Variants in CDH22 observed in about 807,000 individuals in gnomAD.
The protein encoded by CDH22 is cadherin-22.
A neutral mutation model predicts 58.4 loss-of-function variants in CDH22; 30 were observed. The ratio of observed to expected loss-of-function variants is 0.51; its 90% confidence interval spans 0.38 to 0.70. CDH22 has a LOEUF of 0.70. Among genes scored for constraint, CDH22 ranks in the 30% least tolerant of loss-of-function variants. The pLI is 0.00. For synonymous variants in CDH22, 513 were observed against 558.2 expected (o/e 0.92, Z 1.14); for missense variants, 1,014 against 1,233.9 (o/e 0.82, Z 2.67).
chr20:46,211,719 C>A (rs192188856), intron 6 of CDH22, among the ~76,000 whole-genome samples: 93 of 152,122 alleles, frequency 6.1e-4, no homozygotes, highest in African/African-American at 2.1e-3. Context: ...CTCTGGGCCT[C>A]CAATTCTCCA....
intron 10 of CDH22, 104 bp downstream of exon 10, chr20:46,186,484 C>A: frequency 1.2e-6 from 1 of 805,252 alleles, no homozygotes; most frequent in Non-Finnish European, 2.0e-6. Flanking sequence ...ATCTTAGATC[C>A]AACATAGGCC....
chr20:46,236,566 T>TATATATTATATATAAATATAATATATA lies in CDH22; in HGVS notation c.550+4370_550+4396dup, dbSNP rs1473476414. Among the ~76,000 whole-genome samples, 947 of 141,380 alleles carry TATATATTATATATAAATATAATATATA rather than the reference T, an allele frequency of 6.7e-3. 10 individuals carry two copies. The highest frequency in any genetic ancestry group is 0.015 in the African/African-American group (583 of 38,342). The allele number at this position is 141,380 out of a possible 152,430, so 92.8% of individuals were successfully genotyped here. On this transcript the variant is annotated intron_variant, in intron 3 of 11. Transcript: ENST00000537909. ...ATAAATATATAAATATAAAAATAAA[T>TATATATTATATATAAATATAATATATA]ATATATTATATATAAATATAATATA...
chr20:46,222,142 T>C (rs892474567), intron 4 of CDH22, among the ~76,000 whole-genome samples: 3 of 152,212 alleles, frequency 2.0e-5, no homozygotes, highest in African/African-American at 4.8e-5. Context: ...AGAGGAAGCT[T>C]CCAGCAGCAG....
chr20:46,240,415 G>T (rs917277571), intron 3 of CDH22, among the ~76,000 whole-genome samples: 25 of 152,138 alleles, frequency 1.6e-4, no homozygotes, highest in African/African-American at 5.6e-4. Flanking sequence ...GTTCCTAGTG[G>T]TGGGTGTGCC....
rs185653138 is a variant in CDH22 at position 46,275,193 on chromosome 20, C to G, written c.-399-23500G>C. On this transcript the variant is annotated intron_variant, in intron 1 of 11. Coordinates refer to ENST00000537909, the MANE Select transcript of CDH22 (RefSeq NM_021248.3). Reference sequence around the variant, plus strand: ...TACATGATCCGCCCCTGTGGCCCCTCTCACCCTGTCCGCTCCCCCTCTCCC... The same window carrying G: ...TACATGATCCGCCCCTGTGGCCCCTGTCACCCTGTCCGCTCCCCCTCTCCC... Among the ~76,000 whole-genome samples, 450 of 152,318 alleles carry G rather than the reference C, an allele frequency of 3.0e-3. 1 individual carries two copies. The highest frequency in any genetic ancestry group is 0.01 in the African/African-American group (435 of 41,568).
intron 8 of CDH22, among the ~76,000 whole-genome samples, chr20:46,196,683 T>C (rs2085905529): frequency 1.3e-5 from 2 of 152,150 alleles, no homozygotes; most frequent in Admixed American, 1.3e-4. Context: ...CCTGGACAAA[T>C]GACTTCGCCT....
At chr20:46,249,616 C>T (rs1194071488) in intron 2 of CDH22, among the ~76,000 whole-genome samples, 1 of 152,182 alleles carries the variant, frequency 6.6e-6, no homozygotes, top group East Asian at 1.9e-4. Flanking sequence ...AGAACTGCCT[C>T]CCGGTTCCCA....
chr20:46,186,107 G>A (rs1219028138), intron 10 of CDH22, among the ~76,000 whole-genome samples: 3 of 151,800 alleles, frequency 2.0e-5, no homozygotes, highest in African/African-American at 7.3e-5. Context: ...CGAGCTACTT[G>A]GGAGGCTGAG....
At chr20:46,194,284 T>C (rs1373181641) in intron 8 of CDH22, among the ~76,000 whole-genome samples, 2 of 152,124 alleles carry the variant, frequency 1.3e-5, no homozygotes, top group African/African-American at 2.4e-5. Flanking sequence ...TGGCTGCGGG[T>C]ACATGGCTTG....
At chr20:46,205,733 C>T (rs981652315) in intron 7 of CDH22, among the ~76,000 whole-genome samples, 1 of 152,178 alleles carries the variant, frequency 6.6e-6, no homozygotes, top group Non-Finnish European at 1.5e-5. Flanking sequence ...TTCCCACTGC[C>T]TAGAGGATAA....
In CDH22 at chr20:46,210,526, A is replaced by G; in HGVS notation, c.1067T>C (p.Val356Ala). Residue 356 changes from valine (V) to alanine (A), a missense_variant, in exon 7 of 12, where the codon GTG (valine) becomes GCG (alanine). Physicochemically the swap from Val to Ala is moderately conservative, Grantham distance 64. This residue lies in a region of CDH22 where 806 missense variants were observed against 1,038.7 expected (regional missense o/e 0.78). Coordinates refer to ENST00000537909, the MANE Select transcript of CDH22 (RefSeq NM_021248.3). The surrounding 1 kb of genome is among the most constrained non-coding windows in gnomAD (Gnocchi z 4.5). ...GAACTTGTTGAGGGCCTCCAGGATC[A>G]CGGTGTGCACGGGCTGGGATTCGAA... ...LDFESQPVHT[V>A]ILEALNKFVD... 7.0e-7 allele frequency: 1 copy of G among 1,433,684 alleles called. No homozygotes were observed. The highest frequency in any genetic ancestry group is 1.5e-5 in the African/African-American group (1 of 67,190). The allele number at this position is 1,433,684 out of a possible 1,614,324, so 88.8% of individuals were successfully genotyped here.
chr20:46,272,496 T>C (rs1404079153), intron 1 of CDH22, among the ~76,000 whole-genome samples: 1 of 152,026 alleles, frequency 6.6e-6, no homozygotes, highest in Non-Finnish European at 1.5e-5. Context: ...AGAGAACAGG[T>C]CCAGAAGTGA....
Position 46,216,240 on chromosome 20 carries a change from C to T in CDH22, c.838+586G>A, listed in dbSNP as rs1404751469. On this transcript the variant is annotated intron_variant, in intron 5 of 11. Coordinates refer to ENST00000537909, the MANE Select transcript of CDH22 (RefSeq NM_021248.3). The surrounding 1 kb of genome is among the most constrained non-coding windows in gnomAD (Gnocchi z 5.3). Reference sequence around the variant, plus strand: ...GCTGGGCCGGAGACATCCCCCAACCCCCGCTGTGCCAGCAGAGGCAGAGGG... The same window carrying T: ...GCTGGGCCGGAGACATCCCCCAACCTCCGCTGTGCCAGCAGAGGCAGAGGG... Among the ~76,000 whole-genome samples the T allele has an allele frequency of 6.6e-6, 1 of 152,196 alleles. No homozygotes were observed. The highest frequency in any genetic ancestry group is 1.5e-5 in the Non-Finnish European group (1 of 68,026).
At chr20:46,278,764 G>C (rs991300834) in intron 1 of CDH22, among the ~76,000 whole-genome samples, 4 of 151,978 alleles carry the variant, frequency 2.6e-5, no homozygotes, top group Non-Finnish European at 2.9e-5. Flanking sequence ...ACAAATTTTG[G>C]GGGGATAGAG....
intron 8 of CDH22, among the ~76,000 whole-genome samples, chr20:46,195,063 C>T (rs2085889450): frequency 6.6e-6 from 1 of 152,218 alleles, no homozygotes; most frequent in South Asian, 2.1e-4. Flanking sequence ...ACCATTGTCA[C>T]AGCTATCTGG....
In CDH22 at chr20:46,201,045, C is replaced by T. The variant is rs1261270603; in HGVS notation, c.1287-1486G>A. On this transcript the variant is annotated intron_variant, in intron 7 of 11. Transcript: ENST00000537909. Reference sequence around the variant, plus strand: ...CTTCCCGGGCCTTTGTGTGGCGGCTCCAGGCCTTAAAGGCCCGTGTCCAAC... The same window carrying T: ...CTTCCCGGGCCTTTGTGTGGCGGCTTCAGGCCTTAAAGGCCCGTGTCCAAC... Among the ~76,000 whole-genome samples the T allele has an allele frequency of 2.0e-5, 3 of 152,238 alleles. No homozygotes were observed. In the East Asian group the frequency reaches 5.8e-4, roughly 29 times the overall value.
At chr20:46,298,334 T>A (rs550095594) in intron 1 of CDH22, among the ~76,000 whole-genome samples, 1 of 152,360 alleles carries the variant, frequency 6.6e-6, no homozygotes, top group South Asian at 2.1e-4. Context: ...CTAATCATTA[T>A]CTTTAGTATC....
At position 46,308,426 on chromosome 20, in the gene CDH22, T is replaced by TGAGCGAGAGAGCGAGA. The variant is rs577421615; in HGVS notation, c.-587_-572dup. The TGAGCGAGAGAGCGAGA allele has an allele frequency of 4.6e-3, 987 of 215,154 alleles. 4 individuals are homozygous for TGAGCGAGAGAGCGAGA. Among genetic ancestry groups the TGAGCGAGAGAGCGAGA allele is most frequent in the Middle Eastern group, 0.012 (7 of 594 alleles). 13.3% of individuals were successfully genotyped at this position (215,154 alleles called of 1,614,324 possible). A position where few individuals can be genotyped will look rare whatever the true frequency, so the allele number is the denominator to read the frequency against. ...GCGGCGGCGTGTGCGCGCGTGTGTG[T>TGAGCGAGAGAGCGAGA]GAGCGAGAGAGCGAGAGAGCGAGAG... is the stretch of plus-strand genomic sequence containing the variant. On this transcript the variant is annotated 5_prime_UTR_variant, in exon 1 of 12. Coordinates refer to ENST00000537909, the MANE Select transcript of CDH22 (RefSeq NM_021248.3). This position sits in a 1 kb window ranked among gnomAD's most constrained non-coding sequence, Gnocchi z 4.3.
At chr20:46,262,371 C>A (rs924873551) in intron 1 of CDH22, among the ~76,000 whole-genome samples, 9 of 152,040 alleles carry the variant, frequency 5.9e-5, no homozygotes, top group African/African-American at 2.2e-4. Flanking sequence ...ACAGTCACCT[C>A]ATCTGCAAAG....
Sources: allele counts gnomAD v4.1 joint callset (sites outside exome capture counted in the v4.1 genomes callset), GRCh38; gene constraint gnomAD v4.1.1; regional missense constraint gnomAD v4.1.1; non-coding constraint Gnocchi (gnomAD v3.1); transcripts MANE v1.5; gene names NCBI Gene and HGNC (gene_info 2026-07-23, HGNC 2026-07-21).